The following INTS1 variants were observed in gnomAD, a reference collection of about 807,000 sequenced individuals.
INTS1 encodes integrator complex subunit 1.
Under a neutral mutation model 241.6 loss-of-function variants are expected in INTS1, and 137 were observed. The ratio of observed to expected loss-of-function variants is 0.57; its 90% CI spans 0.49 to 0.65. The LOEUF is 0.65. Among genes scored for constraint, INTS1 ranks in the 30% least tolerant of loss-of-function variants. The probability of loss-of-function intolerance (pLI) is 0.00; values close to 1 mark genes in which losing one functional copy is unlikely to be tolerated. For missense variants in INTS1, 3,073 were observed against 3,032.2 expected (o/e 1.01, Z -0.32); for synonymous variants, 1,692 against 1,337.8 (o/e 1.26, Z -5.78).
Position 1,487,639 on chromosome 7 carries a change from C to T in INTS1, c.2516+121G>A, listed in dbSNP as rs1782336669. The stretch of plus-strand genomic sequence containing the variant: ...GGACGCGGGGACGGGGCTCCACAGG[C>T]CTTTCAGGTTCTGCCGCAGTGCGGT... On this transcript the variant is annotated intron_variant, in intron 19 of 47. Transcript: ENST00000404767. 4 of 1,341,266 alleles carry T rather than the reference C, an allele frequency of 3.0e-6. No individual in the cohort carries two copies. The South Asian group carries it at 5.0e-5, about 17-fold the overall frequency. The allele number at this position is 1,341,266 out of a possible 1,614,324, so 83.1% of individuals were successfully genotyped here.
chr7:1,494,851 G>A lies in INTS1; in HGVS notation c.1875C>T (p.Tyr625=), dbSNP rs1373059013. Reference sequence around the variant, plus strand: ...TCTCGGGTGGCCAGTTGTCCCACTTGTAGTAGGTCTCCGGCTGCTCTGTGA... The same window carrying A: ...TCTCGGGTGGCCAGTTGTCCCACTTATAGTAGGTCTCCGGCTGCTCTGTGA... The part of the protein sequence containing the change: ...VLFTEQPETY[Y]KWDNWPPESD... Residue 625 remains tyrosine, a synonymous_variant, in exon 14 of 48, where the codon TAC becomes TAT. Coordinates refer to ENST00000404767, the MANE Select transcript of INTS1 (RefSeq NM_001080453.3). 3 of 1,569,568 alleles carry A rather than the reference G, an allele frequency of 1.9e-6. No homozygotes were observed. In the Admixed American group the frequency reaches 5.6e-5, roughly 29 times the overall value.
At chr7:1,471,469 C>A in intron 45 of INTS1, 102 bp downstream of exon 45, 1 of 1,319,658 alleles carries the variant, frequency 7.6e-7, no homozygotes, top group East Asian at 2.3e-5. Flanking sequence ...CAGAGGACTC[C>A]CTGGGGCTCA....
intron 16 of INTS1, 100 bp from the exon 17 acceptor site, chr7:1,489,782 C>T: frequency 1.3e-6 from 1 of 782,996 alleles, no homozygotes; most frequent in Non-Finnish European, 2.0e-6. Flanking sequence ...ACGGTGCTGG[C>T]TCCCAGCTCC....
chr7:1,479,590 C>CGGGCCAGCTCCTGGCCCA lies in INTS1; in HGVS notation c.4151_4168dup (p.Leu1384_Ala1389dup). 1 of 1,539,002 alleles carries CGGGCCAGCTCCTGGCCCA rather than the reference C, an allele frequency of 6.5e-7. No individual in the cohort carries two copies. The highest frequency in any genetic ancestry group is 8.8e-7 in the Non-Finnish European group (1 of 1,142,006). On this transcript the variant is annotated inframe_insertion, in exon 31 of 48. Transcript: ENST00000404767. The stretch of plus-strand genomic sequence containing the variant: ...CACCTCGGGGCTGCCCTGGACGACG[C>CGGGCCAGCTCCTGGCCCA]GGGCCAGCTCCTGGCCCAGGGCCTG...
chr7:1,494,120 G>A (rs1385455893), intron 14 of INTS1, among the ~76,000 whole-genome samples: 1 of 152,206 alleles, frequency 6.6e-6, no homozygotes, highest in East Asian at 1.9e-4. Context: ...AGGGGAGAAG[G>A]GGAGGCTACC....
At chr7:1,503,800 G>T in intron 2 of INTS1, 103 bp downstream of exon 2, 1 of 828,458 alleles carries the variant, frequency 1.2e-6, no homozygotes, top group Non-Finnish European at 1.9e-6. Context: ...CCGCGGCTGC[G>T]GAACAACCAA....
chr7:1,478,533 G>A (rs760653361), intron 32 of INTS1, 27 bp from the exon 33 acceptor site: 2 of 1,602,878 alleles, frequency 1.2e-6, no homozygotes. Context: ...TGAGTGCCCT[G>A]TGGCTCCAGC....
Position 1,496,206 on chromosome 7 carries a change from G to A in INTS1, c.1661C>T (p.Thr554Ile). ...GATGCCGGCCTCCTTCACCTGCGCT[G>A]TGATGCCCAGCATCATGGACACGGC... ...VLAVSMMLGITAQVKEAGIAW... is the reference protein window; with the variant it reads ...VLAVSMMLGIIAQVKEAGIAW... The change falls in exon 12 of 48, where the codon ACA becomes ATA. Residue 554 changes from threonine to isoleucine, a missense_variant. Thr to Ile is a moderately conservative substitution (Grantham distance 89). Transcript: ENST00000404767. 1.9e-6 allele frequency: 3 copies of A among 1,613,846 alleles called. No homozygotes were observed.
chr7:1,489,400 C>A lies in INTS1; in HGVS notation c.2262G>T (p.Leu754=). The change falls in exon 18 of 48, where the codon CTG becomes CTT. Residue 754 remains leucine (L), a synonymous_variant. Coordinates refer to ENST00000404767, the MANE Select transcript of INTS1 (RefSeq NM_001080453.3). The part of the protein sequence containing the change: ...VAAFNPENIG[L]AAWEEYPTLK... ...GGGTCGGGTACTCCTCCCACGCAGC[C>A]AGGCCTAGGGAACCGGAGGGTGTGG... The A allele has an allele frequency of 6.2e-7, 1 of 1,607,820 alleles. No homozygotes were observed. The highest frequency in any genetic ancestry group is 2.2e-5 in the East Asian group (1 of 44,676).
Position 1,475,931 on chromosome 7 carries a change from C to G in INTS1, c.5502+17G>C, listed in dbSNP as rs1781693377. The G allele has an allele frequency of 6.5e-7, 1 of 1,529,832 alleles. No individual in the cohort carries two copies. Among genetic ancestry groups the G allele is most frequent in the African/African-American group, 1.4e-5 (1 of 72,792 alleles). 94.8% of individuals were successfully genotyped at this position (1,529,832 alleles called of 1,614,324 possible). A position where few individuals can be genotyped will look rare whatever the true frequency, so the allele number is the denominator to read the frequency against. On this transcript the variant is annotated intron_variant, in intron 39 of 47. Transcript: ENST00000404767. The stretch of plus-strand genomic sequence containing the variant: ...CACCTGGGACGGCGGCGGGGAGCGG[C>G]AGAGTTGCGCCCTCACCTTGCAGAC...
chr7:1,480,228 A>T, intron 30 of INTS1, 89 bp downstream of exon 30: 3 of 1,442,192 alleles, frequency 2.1e-6, no homozygotes, highest in Non-Finnish European at 2.8e-6. Flanking sequence ...TCACGCAAGT[A>T]AAGGCCGCTG....
rs758392518 is a variant in INTS1, at chr7:1,480,395, T to A, written c.3996A>T (p.Ile1332=). 28 of 1,613,270 alleles carry A rather than the reference T, an allele frequency of 1.7e-5. No homozygotes were observed. The highest frequency in any genetic ancestry group is 2.4e-5 in the Non-Finnish European group (28 of 1,179,726). ...TCCCCACCCGAATCCGGCCCTGGCC[T>A]ATGGGCTGCTCTGGGCTGCTCTTTG... ...PKPKSSPEQP[I]GQGRIRVGTQ... is the part of the protein sequence containing the mutation. Residue 1332 remains isoleucine, a synonymous_variant, in exon 30 of 48, where the codon ATA becomes ATT. Coordinates refer to ENST00000404767, the MANE Select transcript of INTS1 (RefSeq NM_001080453.3).
At chr7:1,499,834 C>A in intron 5 of INTS1, 50 bp downstream of exon 5, 2 of 1,582,754 alleles carry the variant, frequency 1.3e-6, no homozygotes, top group East Asian at 2.3e-5. Flanking sequence ...CGCCCCTGCC[C>A]CACCCCGTGG....
Position 1,498,703 on chromosome 7 carries a change from G to A in INTS1, c.1283+4C>T, listed in dbSNP as rs767707664. On this transcript the variant is annotated splice_donor_region_variant and intron_variant, in intron 9 of 47. Coordinates refer to ENST00000404767, the MANE Select transcript of INTS1 (RefSeq NM_001080453.3). ...CCCCCGCTCTGCCCCGGCTCGCCAC[G>A]CACCTGATGCACAGCATGAAGTGGT... 1.3e-5 allele frequency: 18 copies of A among 1,358,948 alleles called. No homozygotes were observed. The highest frequency in any genetic ancestry group is 8.5e-5 in the East Asian group (2 of 23,426). 84.2% of individuals were successfully genotyped at this position (1,358,948 alleles called of 1,614,324 possible).
chr7:1,473,653 T>C lies in INTS1; in HGVS notation c.5870A>G (p.Asn1957Ser). ...KSSRHLAAFI[N>S]KFVQFIHKYI... ...CTTATGGATGAACTGCACAAACTTG[T>C]TGATGAAGGCAGCCAGATGGCGGGA... Residue 1957 changes from asparagine (N) to serine (S), a missense_variant, in exon 42 of 48, where the codon AAC becomes AGC. Transcript: ENST00000404767. The C allele has an allele frequency of 6.2e-7, 1 of 1,613,428 alleles. No individual in the cohort carries two copies. The highest frequency in any genetic ancestry group is 8.5e-7 in the Non-Finnish European group (1 of 1,179,792).
chr7:1,488,048 C>T (rs1782361428), intron 18 of INTS1, 91 bp from the exon 19 acceptor site: 6 of 1,352,076 alleles, frequency 4.4e-6, no homozygotes, highest in Non-Finnish European at 6.3e-6. Flanking sequence ...GGTAAAACCC[C>T]TACGGCTGCT....
chr7:1,483,640 C>T (rs1031558802), intron 26 of INTS1, 102 bp downstream of exon 26: 9 of 885,344 alleles, frequency 1.0e-5, no homozygotes, highest in African/African-American at 1.6e-5. Context: ...TGGGGGGCTT[C>T]CCGCCCAGAA....
intron 43 of INTS1, 147 bp downstream of exon 43, chr7:1,472,925 G>C (rs1358651141): frequency 1.8e-6 from 1 of 570,890 alleles, no homozygotes; most frequent in South Asian, 2.3e-5. Flanking sequence ...CTTGAGGTGG[G>C]TCAGGGGCCA....
chr7:1,474,283 A>T lies in INTS1; in HGVS notation c.5714T>A (p.Leu1905Gln), dbSNP rs1043584312. 1 of 1,608,810 alleles carries T rather than the reference A, an allele frequency of 6.2e-7. No homozygotes were observed. Among genetic ancestry groups the T allele is most frequent in the South Asian group, 1.1e-5 (1 of 90,992 alleles). The change falls in exon 41 of 48, where the codon CTG becomes CAG. Residue 1905 changes from leucine (L) to glutamine (Q), a missense_variant. By Grantham distance (113) the Leu-to-Gln change is moderately radical (BLOSUM62 -2). Coordinates refer to ENST00000404767, the MANE Select transcript of INTS1 (RefSeq NM_001080453.3). ...NFQEFRQQNH[L>Q]SCFLHVLGLL... is the part of the protein sequence containing the mutation. ...GCCCAGCACGTGCAGGAAGCAGCTC[A>T]GGTGGTTCTGCTGCCGGAACTCCTG...
Sources: gnomAD v4.1 joint callset for allele counts (sites outside exome capture counted in the v4.1 genomes callset) on GRCh38, gnomAD v4.1.1 for gene constraint, MANE v1.5 for transcripts, NCBI Gene and HGNC (gene_info 2026-07-23, HGNC 2026-07-21) for gene names.